FBLN5: variants seen among roughly 807,000 people sequenced by gnomAD.
FBLN5 encodes the protein fibulin 5, also known as fibulin-5.
In FBLN5, 24 loss-of-function variants were observed where a neutral mutation model predicts 61.6. The ratio of observed to expected loss-of-function variants is 0.39; its 90% CI spans 0.28 to 0.55. The LOEUF (loss-of-function observed/expected upper bound fraction) is 0.55, where lower values mean the gene tolerates loss of function less well. Among genes scored for constraint, FBLN5 ranks in the 20% least tolerant of loss-of-function variants. FBLN5 has a pLI of 0.65. For synonymous variants in FBLN5, 213 were observed against 219.8 expected (o/e 0.97, Z 0.27); for missense variants, 470 against 594.1 (o/e 0.79, Z 2.17).
At position 91,877,416 on chromosome 14, in the gene FBLN5, A is replaced by G; in HGVS notation, c.1185+71T>C. The stretch of plus-strand genomic sequence containing the variant: ...GCCCCACTCTTACCTGCTTGCATAC[A>G]GCACGTTCCTAGGAGAGACAGCACA... On this transcript the variant is annotated intron_variant, in intron 10 of 10. Transcript: ENST00000342058. The G allele has an allele frequency of 2.4e-6, 3 of 1,263,554 alleles. No homozygotes were observed. The South Asian group carries it at 3.6e-5, about 15-fold the overall frequency. 78.3% of individuals were successfully genotyped at this position (1,263,554 alleles called of 1,614,324 possible).
At chr14:91,909,637 T>C (rs1169211704) in intron 4 of FBLN5, among the ~76,000 whole-genome samples, 1 of 152,186 alleles carries the variant, frequency 6.6e-6, no homozygotes, top group Non-Finnish European at 1.5e-5. Flanking sequence ...CGAGCTGATA[T>C]TCACACTCTT....
chr14:91,927,677 G>A (rs1272582534), intron 4 of FBLN5, among the ~76,000 whole-genome samples: 3 of 152,226 alleles, frequency 2.0e-5, no homozygotes, highest in Non-Finnish European at 4.4e-5. Flanking sequence ...TGGCATTCGA[G>A]GCTATTTGCA....
rs1344199167 is a variant in FBLN5 at position 91,891,177 on chromosome 14, C to T, written c.619+44G>A. On this transcript the variant is annotated intron_variant, in intron 6 of 10. Transcript: ENST00000342058. ...TGCCAGGTGCTGAAGAAGGCTGCAG[C>T]TAGTGTCTCACATCATGTCCAAGTT... is the stretch of plus-strand genomic sequence containing the variant. 6 of 1,079,926 alleles carry T rather than the reference C, an allele frequency of 5.6e-6. No homozygotes were observed. In the African/African-American group the frequency reaches 6.2e-5, roughly 11 times the overall value. The allele number at this position is 1,079,926 out of a possible 1,614,324, so 66.9% of individuals were successfully genotyped here.
intron 4 of FBLN5, among the ~76,000 whole-genome samples, chr14:91,935,169 A>G (rs2055992438): frequency 6.6e-6 from 1 of 152,262 alleles, no homozygotes; most frequent in African/African-American, 2.4e-5. Context: ...GTTCAGAGCC[A>G]TAAATGGCAT....
chr14:91,878,221 T>C (rs1314361988), intron 9 of FBLN5, among the ~76,000 whole-genome samples: 4 of 152,346 alleles, frequency 2.6e-5, no homozygotes, highest in South Asian at 2.1e-4. Flanking sequence ...GTTAGAACTA[T>C]GTACAAGATG....
chr14:91,887,074 C>T, intron 7 of FBLN5, 119 bp downstream of exon 7: 8 of 1,151,258 alleles, frequency 6.9e-6, no homozygotes, highest in Non-Finnish European at 7.8e-6. Context: ...TGGAGGATGT[C>T]CCAAACTGGA....
chr14:91,869,937 T>C lies in FBLN5; in HGVS notation c.*287A>G. The C allele has an allele frequency of 2.3e-6, 1 of 429,794 alleles. No individual in the cohort carries two copies. Among genetic ancestry groups the C allele is most frequent in the African/African-American group, 2.0e-5 (1 of 49,626 alleles). The allele number at this position is 429,794 out of a possible 1,614,324, so 26.6% of individuals were successfully genotyped here. On this transcript the variant is annotated 3_prime_UTR_variant, in exon 11 of 11. Coordinates refer to ENST00000342058, the MANE Select transcript of FBLN5 (RefSeq NM_006329.4). ...CCTAATCTATTTTCTTTGAAAATAG[T>C]GGAAATAAACTGAAGGCCTTGAAAA...
intron 4 of FBLN5, among the ~76,000 whole-genome samples, chr14:91,916,942 G>T (rs1321991469): frequency 6.6e-6 from 1 of 152,106 alleles, no homozygotes; most frequent in African/African-American, 2.4e-5. Context: ...TTCCGGGGTG[G>T]GCTTGTGATG....
intron 6 of FBLN5, among the ~76,000 whole-genome samples, chr14:91,890,508 C>T (rs891026238): frequency 6.6e-6 from 1 of 152,214 alleles, no homozygotes; most frequent in Non-Finnish European, 1.5e-5. Flanking sequence ...GCAGGATTTG[C>T]GCTAATTCCT....
intron 5 of FBLN5, among the ~76,000 whole-genome samples, chr14:91,892,562 T>C (rs1488682249): frequency 1.3e-5 from 2 of 152,210 alleles, no homozygotes; most frequent in Admixed American, 1.3e-4. Flanking sequence ...TCCCGGCTAC[T>C]TCTAACCTGG....
chr14:91,933,775 A>G (rs2055966518), intron 4 of FBLN5, among the ~76,000 whole-genome samples: 1 of 152,084 alleles, frequency 6.6e-6, no homozygotes, highest in African/African-American at 2.4e-5. Context: ...ACTTTTGACT[A>G]GGTTCAAAAT....
chr14:91,941,653 T>A (rs556357479), intron 2 of FBLN5, among the ~76,000 whole-genome samples: 23 of 152,236 alleles, frequency 1.5e-4, no homozygotes, highest in African/African-American at 5.5e-4. Flanking sequence ...AGATCCAGGT[T>A]CCAGCCCTGG....
intron 10 of FBLN5, among the ~76,000 whole-genome samples, chr14:91,872,760 C>A (rs757566657): frequency 1.1e-4 from 17 of 152,176 alleles, no homozygotes; most frequent in Non-Finnish European, 2.1e-4. Flanking sequence ...CCTTGTCAGC[C>A]CTTACGAAAC....
chr14:91,919,226 G>C (rs1408978214), intron 4 of FBLN5, among the ~76,000 whole-genome samples: 1 of 151,838 alleles, frequency 6.6e-6, no homozygotes, highest in Non-Finnish European at 1.5e-5. Flanking sequence ...AGCTACTTGG[G>C]TGGCTGAGGC....
chr14:91,892,147 T>A (rs900813892), intron 5 of FBLN5, among the ~76,000 whole-genome samples: 10 of 152,224 alleles, frequency 6.6e-5, no homozygotes, highest in African/African-American at 2.2e-4. Flanking sequence ...GAGCCTGATG[T>A]CATTGGGAAA....
chr14:91,905,771 G>A (rs1171962221), intron 4 of FBLN5, among the ~76,000 whole-genome samples: 1 of 151,876 alleles, frequency 6.6e-6, no homozygotes, highest in Non-Finnish European at 1.5e-5. Context: ...GTAGAGATGG[G>A]GTTTCACCAT....
intron 6 of FBLN5, among the ~76,000 whole-genome samples, chr14:91,887,907 T>C (rs1159644326): frequency 4.6e-5 from 7 of 152,108 alleles, no homozygotes; most frequent in Non-Finnish European, 8.8e-5. Context: ...ATCTTGAGTG[T>C]GGTGGTGGTG....
intron 5 of FBLN5, among the ~76,000 whole-genome samples, chr14:91,893,628 C>A (rs1160376879): frequency 4.6e-5 from 7 of 152,230 alleles, no homozygotes; most frequent in African/African-American, 9.7e-5. Flanking sequence ...ATAGAAATCA[C>A]ACCCTAGAAT....
Position 91,947,149 on chromosome 14 carries a change from C to A in FBLN5, c.17+64G>T. The A allele has an allele frequency of 5.6e-6, 9 of 1,610,158 alleles. No individual in the cohort carries two copies. The highest frequency in any genetic ancestry group is 7.6e-6 in the Non-Finnish European group (9 of 1,176,666). On this transcript the variant is annotated intron_variant, in intron 1 of 10. Transcript: ENST00000342058. The surrounding 1 kb of genome is among the most constrained non-coding windows in gnomAD (Gnocchi z 4.3). Reference sequence around the variant, plus strand: ...AATCGCAGCCATAACCATTTTCCACCCATCGGATTTTTAGCAAGGCTTCCA... The same window carrying A: ...AATCGCAGCCATAACCATTTTCCACACATCGGATTTTTAGCAAGGCTTCCA...
Sources: gnomAD v4.1 joint callset for allele counts (sites outside exome capture counted in the v4.1 genomes callset) on GRCh38, gnomAD v4.1.1 for gene constraint, Gnocchi (gnomAD v3.1) non-coding constraint, MANE v1.5 for transcripts, NCBI Gene and HGNC (gene_info 2026-07-23, HGNC 2026-07-21) for gene names.